Variants in SUGCT observed in about 807,000 individuals in gnomAD.
SUGCT encodes succinyl-CoA:glutarate CoA-transferase.
A neutral mutation model predicts 55.0 loss-of-function variants in SUGCT; 41 were observed. That is an observed-to-expected ratio of 0.74 (90% CI 0.58 to 0.97). SUGCT has a LOEUF of 0.97. Among genes scored for constraint, SUGCT ranks in the 50% least tolerant of loss-of-function variants. The pLI, the probability that SUGCT is intolerant of heterozygous loss-of-function variation, is 0.00. For missense variants in SUGCT, 568 were observed against 547.8 expected (o/e 1.04, Z -0.37); for synonymous variants, 187 against 200.4 (o/e 0.93, Z 0.56).
At chr7:40,580,168 G>A (rs905702203) in intron 12 of SUGCT, among the ~76,000 whole-genome samples, 1 of 152,148 alleles carries the variant, frequency 6.6e-6, no homozygotes, top group Non-Finnish European at 1.5e-5. Context: ...AAACATGAGC[G>A]TGAACAAGGT....
At chr7:40,849,157 TC>T (rs1178735833) in intron 13 of SUGCT, among the ~76,000 whole-genome samples, 1 of 152,168 alleles carries the variant, frequency 6.6e-6, no homozygotes, top group Non-Finnish European at 1.5e-5. Context: ...AACAAACATT[TC>T]ATATATTATA....
intron 13 of SUGCT, among the ~76,000 whole-genome samples, chr7:40,802,884 AT>A (rs1412036572): frequency 2.6e-5 from 4 of 152,200 alleles, no homozygotes; most frequent in Non-Finnish European, 4.4e-5. Context: ...AAATATATAA[AT>A]GACCAGATTT....
intron 12 of SUGCT, among the ~76,000 whole-genome samples, chr7:40,718,722 T>G (rs866894224): frequency 3.2e-4 from 48 of 152,294 alleles, no homozygotes; most frequent in African/African-American, 1.1e-3. Context: ...TGCATTGACT[T>G]TTTTTCAGAA....
At chr7:40,496,217 A>G in intron 11 of SUGCT, 67 bp from the exon 12 acceptor site, 2 of 970,078 alleles carry the variant, frequency 2.1e-6, no homozygotes, top group Non-Finnish European at 3.2e-6. Flanking sequence ...AAAGAGGGCC[A>G]CATGATAGAA....
the SUGCT span, among the ~76,000 whole-genome samples, chr7:40,981,948 C>A: frequency 6.6e-6 from 1 of 152,186 alleles, no homozygotes; most frequent in African/African-American, 2.4e-5. Flanking sequence ...ACAGAAGCAC[C>A]ACACTTGTGT....
intron 12 of SUGCT, among the ~76,000 whole-genome samples, chr7:40,711,239 C>T (rs913359529): frequency 1.3e-5 from 2 of 152,186 alleles, no homozygotes; most frequent in South Asian, 2.1e-4. Flanking sequence ...AGGCTGGGCG[C>T]GGTGGCCCAT....
At chr7:40,469,909 G>A (rs1325036426) in intron 11 of SUGCT, among the ~76,000 whole-genome samples, 2 of 152,142 alleles carry the variant, frequency 1.3e-5, no homozygotes. Flanking sequence ...AACTTAATGT[G>A]TATTTTTAGA....
the SUGCT span, among the ~76,000 whole-genome samples, chr7:40,957,178 A>T: frequency 6.6e-6 from 1 of 152,032 alleles, no homozygotes; most frequent in Admixed American, 6.6e-5. Flanking sequence ...ATCCTTGTTA[A>T]TTTTCTGTTT....
At chr7:40,703,991 C>T (rs1428720487) in intron 12 of SUGCT, among the ~76,000 whole-genome samples, 1 of 152,298 alleles carries the variant, frequency 6.6e-6, no homozygotes, top group East Asian at 1.9e-4. Flanking sequence ...GAGACTTGTA[C>T]GGTGGATCCT....
At chr7:40,795,597 A>G (rs1790513192) in intron 13 of SUGCT, among the ~76,000 whole-genome samples, 1 of 152,190 alleles carries the variant, frequency 6.6e-6, no homozygotes, top group Non-Finnish European at 1.5e-5. Flanking sequence ...GTGGGGCTTC[A>G]ATCCGCATCG....
At chr7:40,451,986 T>A (rs929425994) in intron 10 of SUGCT, among the ~76,000 whole-genome samples, 12 of 152,236 alleles carry the variant, frequency 7.9e-5, no homozygotes, top group African/African-American at 2.9e-4. Context: ...ATGGGACAAC[T>A]TTAGTTCCTG....
At chr7:40,266,886 G>T (rs907406474) in intron 7 of SUGCT, among the ~76,000 whole-genome samples, 3 of 151,998 alleles carry the variant, frequency 2.0e-5, no homozygotes, top group Non-Finnish European at 4.4e-5. Context: ...ATGGTGACAT[G>T]CATTTGTAGT....
intron 9 of SUGCT, among the ~76,000 whole-genome samples, chr7:40,393,327 G>A (rs2151306286): frequency 6.6e-6 from 1 of 152,278 alleles, no homozygotes; most frequent in African/African-American, 2.4e-5. Flanking sequence ...GTGCAGTGCT[G>A]TGTAGAGGTC....
chr7:40,896,246 A>G, the SUGCT span, among the ~76,000 whole-genome samples: 1 of 152,250 alleles, frequency 6.6e-6, no homozygotes, highest in Non-Finnish European at 1.5e-5. Context: ...TTATGACAGC[A>G]TTAAAAATTT....
intron 11 of SUGCT, among the ~76,000 whole-genome samples, chr7:40,490,018 T>C (rs1403907352): frequency 6.6e-6 from 1 of 152,210 alleles, no homozygotes; most frequent in African/African-American, 2.4e-5. Context: ...ATGATCACTA[T>C]AGCTATTGCA....
intron 9 of SUGCT, among the ~76,000 whole-genome samples, chr7:40,386,014 C>T (rs1785106066): frequency 6.6e-6 from 1 of 152,170 alleles, no homozygotes; most frequent in Non-Finnish European, 1.5e-5. Context: ...GTAATTACTA[C>T]TGCCATTTTT....
intron 13 of SUGCT, among the ~76,000 whole-genome samples, chr7:40,858,494 G>C (rs1207504489): frequency 1.3e-5 from 2 of 151,178 alleles, no homozygotes; most frequent in Admixed American, 6.6e-5. Context: ...GGTAATTCAA[G>C]TGGAGTAAAG....
chr7:40,922,048 GA>G, the SUGCT span, among the ~76,000 whole-genome samples: 3 of 152,054 alleles, frequency 2.0e-5, no homozygotes, highest in Admixed American at 2.0e-4. Context: ...TGTTAGAAAG[GA>G]AAAAAATGTA....
At chr7:40,947,500 C>CTT in the SUGCT span, among the ~76,000 whole-genome samples, 364 of 146,006 alleles carry the variant, frequency 2.5e-3, 5 homozygotes, top group South Asian at 0.022. Context: ...TACTTTCTCT[C>CTT]TTTTTTTTTT....
Sources: allele counts gnomAD v4.1 joint callset (sites outside exome capture counted in the v4.1 genomes callset), GRCh38; gene constraint gnomAD v4.1.1; transcripts MANE v1.5; gene names NCBI Gene and HGNC (gene_info 2026-07-23, HGNC 2026-07-21).